The following ID4 variants were observed in gnomAD, a reference collection of about 807,000 sequenced individuals.
The protein encoded by ID4 is DNA-binding protein inhibitor ID-4.
Under a neutral mutation model 8.6 loss-of-function variants are expected in ID4, and 9 were observed. That is an observed-to-expected ratio of 1.04 (90% CI 0.63 to 1.82). ID4 has a LOEUF of 1.82. Ranked by LOEUF, ID4 falls within the 40% of genes most tolerant of loss-of-function variation. The pLI, the probability that ID4 is intolerant of heterozygous loss-of-function variation, is 0.00. For missense variants in ID4, 270 were observed against 235.1 expected, an observed-to-expected ratio of 1.15 and a Z score of -0.97; for synonymous variants, 180 against 118.0, an observed-to-expected ratio of 1.53 and a Z score of -3.41.
intron 2 of ID4, chr6:19,838,854 C>T (rs1761292659): frequency 1.8e-6 from 1 of 570,152 alleles, no homozygotes; most frequent in South Asian, 2.1e-5. Flanking sequence ...GGAGACGGGT[C>T]AGCCCTTGTC....
chr6:19,838,370 G>T (rs1329007080), intron 1 of ID4, among the ~76,000 whole-genome samples, 175 bp downstream of exon 1: 1 of 152,058 alleles, frequency 6.6e-6, no homozygotes, highest in Non-Finnish European at 1.5e-5. Flanking sequence ...CGGGCTCGGC[G>T]AGCGCGGGTC....
Position 19,837,592 on chromosome 6 carries a change from C to A in ID4, c.-163C>A. The A allele has an allele frequency of 3.2e-6, 1 of 313,040 alleles. No individual in the cohort carries two copies. The highest frequency in any genetic ancestry group is 5.1e-6 in the Non-Finnish European group (1 of 197,666). 19.4% of individuals were successfully genotyped at this position (313,040 alleles called of 1,614,324 possible). ...AAAGATTCCCTCGTAAAACCCAGAG[C>A]GACCCTCCCGTCAATTGTTGGGCTC... On this transcript the variant is annotated 5_prime_UTR_variant, in exon 1 of 3. Transcript: ENST00000378700.
Position 19,838,093 on chromosome 6 carries a change from C to G in ID4, c.339C>G (p.Ala113=), listed in dbSNP as rs751316002. The G allele has an allele frequency of 6.2e-7, 1 of 1,601,962 alleles. No individual in the cohort carries two copies. The highest frequency in any genetic ancestry group is 8.5e-7 in the Non-Finnish European group (1 of 1,174,750). The part of the protein sequence containing the change: ...DLQLALETHP[A]LLRQPPPPAP... ...AGCTGGCGCTGGAGACGCACCCGGC[C>G]CTGCTGAGGCAGCCACCACCGCCCG... Residue 113 remains alanine (A), a synonymous_variant, in exon 1 of 3, where the codon GCC becomes GCG. Transcript: ENST00000378700.
chr6:19,838,924 G>T lies in ID4; in HGVS notation c.*14+282G>T. 3 of 484,618 alleles carry T rather than the reference G, an allele frequency of 6.2e-6. No individual in the cohort carries two copies. In the South Asian group the frequency reaches 7.0e-5, roughly 11 times the overall value. The allele number at this position is 484,618 out of a possible 1,614,324, so 30.0% of individuals were successfully genotyped here. On this transcript the variant is annotated intron_variant, in intron 2 of 2. Coordinates refer to ENST00000378700, the MANE Select transcript of ID4 (RefSeq NM_001546.4). ...GGCTCTTCTGCCTTCCCTAGTTCCC[G>T]AGGGAGGGCACCCTCGTGGGCATGG... is the stretch of plus-strand genomic sequence containing the variant.
chr6:19,839,838 T>TG lies in ID4; in HGVS notation c.*643_*644insG, dbSNP rs1407003605. The stretch of plus-strand genomic sequence containing the variant: ...TTTTTTTGTAAATATTATGTGTGTG[T>TG]TTTTTTTTAATCTATGGGAATATTT... On this transcript the variant is annotated 3_prime_UTR_variant, in exon 3 of 3. Coordinates refer to ENST00000378700, the MANE Select transcript of ID4 (RefSeq NM_001546.4). The TG allele has an allele frequency of 2.6e-5, 4 of 150,956 alleles. No individual in the cohort carries two copies. The highest frequency in any genetic ancestry group is 4.9e-5 in the African/African-American group (2 of 41,062). 9.4% of individuals were successfully genotyped at this position (150,956 alleles called of 1,614,324 possible). A position where few individuals can be genotyped will look rare whatever the true frequency, so the allele number is the denominator to read the frequency against.
Position 19,837,764 on chromosome 6 carries a change from G to A in ID4, c.10G>A (p.Val4Met), listed in dbSNP as rs1761250943. The part of the protein sequence containing the change: MKA[V>M]SPVRPSGRKA... ...GCGCAGGGCGCGCGCGATGAAGGCG[G>A]TGAGCCCGGTGCGCCCCTCGGGCCG... Residue 4 changes from valine to methionine, a missense_variant, in exon 1 of 3, where the codon GTG becomes ATG. Val to Met is a conservative substitution (Grantham distance 21). Coordinates refer to ENST00000378700, the MANE Select transcript of ID4 (RefSeq NM_001546.4). 4.4e-6 allele frequency: 5 copies of A among 1,126,264 alleles called. No individual in the cohort carries two copies. The East Asian group carries it at 2.3e-4, about 52-fold the overall frequency. 69.8% of individuals were successfully genotyped at this position (1,126,264 alleles called of 1,614,324 possible).
At position 19,840,128 on chromosome 6, in the gene ID4, T is replaced by TG. The variant is rs1761327589; in HGVS notation, c.*933_*934insG. 6.6e-6 allele frequency: 1 copy of TG among 152,656 alleles called. No homozygotes were observed. The highest frequency in any genetic ancestry group is 2.4e-5 in the African/African-American group (1 of 41,472). The allele number at this position is 152,656 out of a possible 1,614,324, so 9.5% of individuals were successfully genotyped here. A position where few individuals can be genotyped will look rare whatever the true frequency, so the allele number is the denominator to read the frequency against. ...TGTTGAAAATACACCTTATCAGTTT[T>TG]TAAGTACAGGGTTTTATAGTGTAAT... is the stretch of plus-strand genomic sequence containing the variant. On this transcript the variant is annotated 3_prime_UTR_variant, in exon 3 of 3. Coordinates refer to ENST00000378700, the MANE Select transcript of ID4 (RefSeq NM_001546.4).
At chr6:19,838,492 G>A (rs949710951) in intron 1 of ID4, 92 bp from the exon 2 acceptor site, 1 of 1,554,570 alleles carries the variant, frequency 6.4e-7, no homozygotes, top group Non-Finnish European at 8.8e-7. Context: ...GCGTCGGCGC[G>A]CCAGCCTGAT....
At position 19,838,270 on chromosome 6, in the gene ID4, G is replaced by T. The variant is rs1055403923; in HGVS notation, c.441+75G>T. The T allele has an allele frequency of 2.0e-4, 246 of 1,253,488 alleles. 1 individual carries two copies. The highest frequency in any genetic ancestry group is 2.3e-4 in the Non-Finnish European group (229 of 983,458). The allele number at this position is 1,253,488 out of a possible 1,614,324, so 77.6% of individuals were successfully genotyped here. ...TTGGTGGCGTGGTGGCGGGACGCGG[G>T]CGCTCACCGTCCTCCGGGCAGGGGC... is the stretch of plus-strand genomic sequence containing the variant. On this transcript the variant is annotated intron_variant, in intron 1 of 2. Coordinates refer to ENST00000378700, the MANE Select transcript of ID4 (RefSeq NM_001546.4).
chr6:19,838,116 C>G lies in ID4; in HGVS notation c.362C>G (p.Pro121Arg). Residue 121 changes from proline (P) to arginine (R), a missense_variant, in exon 1 of 3, where the codon CCC becomes CGC. By Grantham distance (103) the Pro-to-Arg change is moderately radical. Transcript: ENST00000378700. Reference protein sequence around the residue: ...HPALLRQPPPPAPPHHPAGTC... With the variant: ...HPALLRQPPPRAPPHHPAGTC... ...GCCCTGCTGAGGCAGCCACCACCGC[C>G]CGCGCCGCCACACCACCCGGCCGGG... is the stretch of plus-strand genomic sequence containing the variant. 1 of 1,587,644 alleles carries G rather than the reference C, an allele frequency of 6.3e-7. No homozygotes were observed. Among genetic ancestry groups the G allele is most frequent in the Non-Finnish European group, 8.6e-7 (1 of 1,168,346 alleles).
At chr6:19,838,323 T>TGCTCCTCCGG (rs1018139768) in intron 1 of ID4, 128 bp downstream of exon 1, 4 of 1,036,286 alleles carry the variant, frequency 3.9e-6, no homozygotes, top group South Asian at 2.2e-5. Flanking sequence ...CCCCTCCCCC[T>TGCTCCTCCGG]GCTCCTCCGG....
chr6:19,839,785 G>A lies in ID4; in HGVS notation c.*590G>A, dbSNP rs919951465. 4 of 152,222 alleles carry A rather than the reference G, an allele frequency of 2.6e-5. No homozygotes were observed. The highest frequency in any genetic ancestry group is 4.4e-5 in the Non-Finnish European group (3 of 67,988). 9.4% of individuals were successfully genotyped at this position (152,222 alleles called of 1,614,324 possible). On this transcript the variant is annotated 3_prime_UTR_variant, in exon 3 of 3. Transcript: ENST00000378700. ...GAAAGTATATGCTTTAATAGATACT[G>A]TAATTATAAGATATTTTTAATTAAA...
rs1320735181 is a variant in ID4 at position 19,839,404 on chromosome 6, A to G, written c.*209A>G. On this transcript the variant is annotated 3_prime_UTR_variant, in exon 3 of 3. Coordinates refer to ENST00000378700, the MANE Select transcript of ID4 (RefSeq NM_001546.4). ...TTCTTTGCACGTTCATAAACATTCTACATACGTATTCTCTTTTGTCTCTTC... is the reference window on the plus strand; with the variant it reads ...TTCTTTGCACGTTCATAAACATTCTGCATACGTATTCTCTTTTGTCTCTTC... 6.5e-6 allele frequency: 1 copy of G among 152,682 alleles called. No homozygotes were observed. Among genetic ancestry groups the G allele is most frequent in the Non-Finnish European group, 1.5e-5 (1 of 68,046 alleles). The allele number at this position is 152,682 out of a possible 1,614,324, so 9.5% of individuals were successfully genotyped here.
chr6:19,838,997 A>G, intron 2 of ID4: 1 of 238,840 alleles, frequency 4.2e-6, no homozygotes, highest in Non-Finnish European at 8.1e-6. Context: ...ACAAAGGGGG[A>G]CGCGGGCAGG....
In ID4 at chr6:19,839,729, ATG is replaced by A. The variant is rs1199915896; in HGVS notation, c.*536_*537del. 3 of 152,534 alleles carry A rather than the reference ATG, an allele frequency of 2.0e-5. No individual in the cohort carries two copies. Among genetic ancestry groups the A allele is most frequent in the Admixed American group, 2.0e-4 (3 of 15,276 alleles). The allele number at this position is 152,534 out of a possible 1,614,324, so 9.4% of individuals were successfully genotyped here. ...AGATAAATGAGTGACATTTCATACCATGTATATATAGAGATGTTCTATAAGTG... is the reference window on the plus strand; with the variant it reads ...AGATAAATGAGTGACATTTCATACCATATATATAGAGATGTTCTATAAGTG... On this transcript the variant is annotated 3_prime_UTR_variant, in exon 3 of 3. Transcript: ENST00000378700.
In ID4 at chr6:19,839,961, A is replaced by G. The variant is rs554852789; in HGVS notation, c.*766A>G. On this transcript the variant is annotated 3_prime_UTR_variant, in exon 3 of 3. Coordinates refer to ENST00000378700, the MANE Select transcript of ID4 (RefSeq NM_001546.4). ...CTCTTAATTTGCTTTTGTTTTGCCC[A>G]GTATAGACTCGGAAGTAACAGTTAT... 17 of 152,436 alleles carry G rather than the reference A, an allele frequency of 1.1e-4. No homozygotes were observed. Among genetic ancestry groups the G allele is most frequent in the African/African-American group, 4.1e-4 (17 of 41,556 alleles). 9.4% of individuals were successfully genotyped at this position (152,436 alleles called of 1,614,324 possible).
chr6:19,838,648 C>T lies in ID4; in HGVS notation c.*14+6C>T. The T allele has an allele frequency of 6.2e-7, 1 of 1,612,806 alleles. No individual in the cohort carries two copies. On this transcript the variant is annotated splice_donor_region_variant and intron_variant, in intron 2 of 2. Coordinates refer to ENST00000378700, the MANE Select transcript of ID4 (RefSeq NM_001546.4). The stretch of plus-strand genomic sequence containing the variant: ...CGCTGAGCCGCGCTGTCCAGGTGAG[C>T]GCGCATTTCCCGTCTCGGGTGGCCG...
At position 19,840,948 on chromosome 6, in the gene ID4, A is replaced by G. The variant is rs1325286745; in HGVS notation, c.*1753A>G. Among the ~76,000 whole-genome samples the G allele has an allele frequency of 6.6e-6, 1 of 152,142 alleles. No individual in the cohort carries two copies. The highest frequency in any genetic ancestry group is 1.9e-4 in the East Asian group (1 of 5,192). ...TCTGTTTGATTTTTAAAAGGAAAGG[A>G]TTTGTTTCAGATTATACAAGAATAA... On this transcript the variant is annotated 3_prime_UTR_variant, in exon 3 of 3. Transcript: ENST00000378700.
Position 19,838,588 on chromosome 6 carries a change from G to T in ID4, c.446G>T (p.Gly149Val). ...GGTGTTCGGTTGCTGTTCCAGGCCGGCGCGGTGAACAAGCAGGGCGACAGC... is the reference window on the plus strand; with the variant it reads ...GGTGTTCGGTTGCTGTTCCAGGCCGTCGCGGTGAACAAGCAGGGCGACAGC... Reference protein sequence around the residue: ...PLTALNTDPAGAVNKQGDSIL... With the variant: ...PLTALNTDPAVAVNKQGDSIL... Residue 149 changes from glycine (G) to valine (V), a missense_variant, in exon 2 of 3, where the codon GGC becomes GTC. This residue lies in a region of ID4 where 107 missense variants were observed against 81.0 expected (regional missense o/e 1.32). Transcript: ENST00000378700. 1 of 1,614,000 alleles carries T rather than the reference G, an allele frequency of 6.2e-7. No homozygotes were observed. The highest frequency in any genetic ancestry group is 8.5e-7 in the Non-Finnish European group (1 of 1,179,898).
Sources: gnomAD v4.1 joint callset for allele counts (sites outside exome capture counted in the v4.1 genomes callset) on GRCh38, gnomAD v4.1.1 for gene constraint, gnomAD v4.1.1 regional missense constraint, MANE v1.5 for transcripts, NCBI Gene and HGNC (gene_info 2026-07-23, HGNC 2026-07-21) for gene names.